The following CNTN5 variants were observed in gnomAD, a reference collection of about 807,000 sequenced individuals.
CNTN5 encodes the protein contactin 5, also known as contactin-5.
Under a neutral mutation model 129.1 loss-of-function variants are expected in CNTN5, and 77 were observed. The ratio of observed to expected loss-of-function variants is 0.60; its 90% CI spans 0.50 to 0.72. The LOEUF (loss-of-function observed/expected upper bound fraction) is 0.72, where lower values mean the gene tolerates loss of function less well. Ranked by LOEUF, CNTN5 falls within the 30% of genes least tolerant of loss-of-function variation. The pLI is 0.00. For missense variants in CNTN5, 1,478 were observed against 1,328.8 expected, an observed-to-expected ratio of 1.11 and a Z score of -1.75; for synonymous variants, 509 against 465.6, an observed-to-expected ratio of 1.09 and a Z score of -1.20.
chr11:100,131,032 G>T (rs1008828958), intron 13 of CNTN5, among the ~76,000 whole-genome samples: 1 of 152,042 alleles, frequency 6.6e-6, no homozygotes, highest in African/African-American at 2.4e-5. Context: ...TACCTAAGGG[G>T]TCTCCCTGAA....
At chr11:99,855,987 A>T (rs1948022041) in intron 6 of CNTN5, among the ~76,000 whole-genome samples, 1 of 152,182 alleles carries the variant, frequency 6.6e-6, no homozygotes, top group Non-Finnish European at 1.5e-5. Context: ...CCAGTGAAAA[A>T]GTCTCATGAT....
intron 1 of CNTN5, among the ~76,000 whole-genome samples, chr11:99,120,645 C>T (rs970846924): frequency 9.2e-5 from 14 of 152,196 alleles, no homozygotes; most frequent in African/African-American, 2.9e-4. Flanking sequence ...ATCTATGTCC[C>T]GTTATCTCTG....
At chr11:99,811,389 C>T (rs1946423034) in intron 3 of CNTN5, among the ~76,000 whole-genome samples, 1 of 150,730 alleles carries the variant, frequency 6.6e-6, no homozygotes, top group South Asian at 2.1e-4. Flanking sequence ...ATTTTATCTT[C>T]TTCATAAATA....
chr11:99,142,038 G>A (rs2135463735), intron 1 of CNTN5, among the ~76,000 whole-genome samples: 1 of 152,136 alleles, frequency 6.6e-6, no homozygotes, highest in Middle Eastern at 3.4e-3. Context: ...GCTATAATTG[G>A]GTTCCGTTGA....
intron 4 of CNTN5, among the ~76,000 whole-genome samples, chr11:99,835,461 A>AAAT (rs1008588841): frequency 2.3e-4 from 35 of 152,262 alleles, no homozygotes; most frequent in Admixed American, 6.5e-4. Context: ...GGGAAAAGGC[A>AAAT]AATAATGTGG....
chr11:99,508,967 C>T (rs938345488), intron 2 of CNTN5, among the ~76,000 whole-genome samples: 1 of 152,054 alleles, frequency 6.6e-6, no homozygotes, highest in Non-Finnish European at 1.5e-5. Flanking sequence ...AGGCGTGAGC[C>T]ACCATGCCCG....
intron 7 of CNTN5, among the ~76,000 whole-genome samples, chr11:99,916,641 C>A (rs746543835): frequency 6.6e-6 from 1 of 152,080 alleles, no homozygotes; most frequent in African/African-American, 2.4e-5. Flanking sequence ...TACTTTTTGG[C>A]TCTTTGAGGT....
intron 1 of CNTN5, among the ~76,000 whole-genome samples, chr11:99,099,673 A>G (rs1866631569): frequency 1.3e-5 from 2 of 152,108 alleles, no homozygotes; most frequent in African/African-American, 4.8e-5. Context: ...AGTTGCCTTG[A>G]GACCCTTACT....
rs552801777 is a variant in CNTN5 at position 99,229,743 on chromosome 11, G to A, written c.-209-95603G>A. 6.8e-4 allele frequency among the ~76,000 whole-genome samples: 103 copies of A among 152,064 alleles called. 3 individuals carry two copies. The highest frequency in any genetic ancestry group is 3.4e-3 in the Middle Eastern group (1 of 294). ...TTCTAAAATAGGAAACATTTACCAAGACTTTGTATAAGAACAGTTTCAGGC... is the reference window on the plus strand; with the variant it reads ...TTCTAAAATAGGAAACATTTACCAAAACTTTGTATAAGAACAGTTTCAGGC... On this transcript the variant is annotated intron_variant, in intron 1 of 24. Coordinates refer to ENST00000524871, the MANE Select transcript of CNTN5 (RefSeq NM_014361.4).
At chr11:99,656,794 C>T (rs1462020315) in intron 3 of CNTN5, among the ~76,000 whole-genome samples, 1 of 152,070 alleles carries the variant, frequency 6.6e-6, no homozygotes, top group Non-Finnish European at 1.5e-5. Flanking sequence ...AGCAAAGGCC[C>T]TTCCTTTCAT....
intron 4 of CNTN5, among the ~76,000 whole-genome samples, chr11:99,836,075 T>C (rs530790003): frequency 1.3e-5 from 2 of 151,118 alleles, no homozygotes; most frequent in Non-Finnish European, 2.9e-5. Context: ...TTAATGGTTA[T>C]TCCTTGATTA....
chr11:100,146,583 TTA>T (rs750950511), intron 13 of CNTN5, among the ~76,000 whole-genome samples: 1 of 152,126 alleles, frequency 6.6e-6, no homozygotes, highest in Non-Finnish European at 1.5e-5. Flanking sequence ...GAAATAAGTA[TTA>T]TGTCAGTTTG....
At chr11:99,260,497 T>A (rs1396245365) in intron 1 of CNTN5, among the ~76,000 whole-genome samples, 1 of 151,832 alleles carries the variant, frequency 6.6e-6, no homozygotes, top group Non-Finnish European at 1.5e-5. Flanking sequence ...CTCTTGGAAG[T>A]TTACAATCAT....
intron 3 of CNTN5, among the ~76,000 whole-genome samples, chr11:99,765,386 C>CT (rs147042695): frequency 0.077 from 11,688 of 151,570 alleles, 762 homozygotes; most frequent in African/African-American, 0.18. Flanking sequence ...GAAACACATA[C>CT]TGAGTATGAG....
intron 1 of CNTN5, among the ~76,000 whole-genome samples, chr11:99,219,579 G>T (rs1180620118): frequency 6.6e-6 from 1 of 151,494 alleles, no homozygotes; most frequent in East Asian, 2.0e-4. Context: ...CAGAGATGAG[G>T]TTTAGAGGTG....
At chr11:99,878,110 GT>G (rs1948680045) in intron 6 of CNTN5, among the ~76,000 whole-genome samples, 1 of 152,192 alleles carries the variant, frequency 6.6e-6, no homozygotes, top group African/African-American at 2.4e-5. Context: ...ATCTGGAATT[GT>G]AGAGCAGAAA....
intron 3 of CNTN5, among the ~76,000 whole-genome samples, chr11:99,586,314 A>G (rs879943175): frequency 1.3e-5 from 2 of 152,190 alleles, no homozygotes; most frequent in Non-Finnish European, 2.9e-5. Context: ...TCTCAGCATA[A>G]TAACTGACAT....
At chr11:99,178,464 T>G (rs1489825511) in intron 1 of CNTN5, among the ~76,000 whole-genome samples, 1 of 151,706 alleles carries the variant, frequency 6.6e-6, no homozygotes, top group Non-Finnish European at 1.5e-5. Context: ...ATAGCTGCAG[T>G]GAGCTGTCAT....
intron 3 of CNTN5, among the ~76,000 whole-genome samples, chr11:99,777,526 A>G (rs34138904): frequency 1.3e-5 from 2 of 151,984 alleles, no homozygotes; most frequent in African/African-American, 4.8e-5. Context: ...TTTCCACTAT[A>G]AAAACTAATT....
Sources: gnomAD v4.1 joint callset for allele counts (sites outside exome capture counted in the v4.1 genomes callset) on GRCh38, gnomAD v4.1.1 for gene constraint, MANE v1.5 for transcripts, NCBI Gene and HGNC (gene_info 2026-07-23, HGNC 2026-07-21) for gene names.